COBLL1: variants seen among roughly 807,000 people sequenced by gnomAD.
COBLL1 encodes the protein cordon-bleu protein-like 1.
In COBLL1, 50 loss-of-function variants were observed where a neutral mutation model predicts 94.8. The ratio of observed to expected loss-of-function variants is 0.53; its 90% CI spans 0.42 to 0.67. The LOEUF is 0.67. Among genes scored for constraint, COBLL1 ranks in the 30% least tolerant of loss-of-function variants. The probability of loss-of-function intolerance (pLI) is 0.00; values close to 1 mark genes in which losing one functional copy is unlikely to be tolerated. For missense variants in COBLL1, 1,362 were observed against 1,348.7 expected (o/e 1.01, Z -0.15); for synonymous variants, 448 against 473.8 (o/e 0.95, Z 0.71).
intron 3 of COBLL1, 138 bp downstream of exon 3, chr2:164,743,548 CT>C (rs201476254): frequency 8.0e-4 from 539 of 673,654 alleles, no homozygotes; most frequent in South Asian, 1.3e-3. Flanking sequence ...TTTTAGCAGT[CT>C]TTTTTTTTAA....
intron 2 of COBLL1, among the ~76,000 whole-genome samples, chr2:164,817,894 C>T (rs1684854969): frequency 6.6e-6 from 1 of 152,102 alleles, no homozygotes; most frequent in African/African-American, 2.4e-5. Flanking sequence ...AAATGCTGAT[C>T]ATCCTTTTAA....
intron 4 of COBLL1, among the ~76,000 whole-genome samples, chr2:164,729,388 T>C (rs1685872462): frequency 6.6e-6 from 1 of 151,854 alleles, no homozygotes; most frequent in South Asian, 2.1e-4. Context: ...ATATTAGAAT[T>C]ATTGTGGTTA....
intron 2 of COBLL1, among the ~76,000 whole-genome samples, chr2:164,789,859 G>T (rs1373706342): frequency 6.6e-6 from 1 of 152,144 alleles, no homozygotes; most frequent in Non-Finnish European, 1.5e-5. Context: ...TTATTCTTTT[G>T]CCCTTAAATT....
chr2:164,692,137 A>C, intron 13 of COBLL1, 84 bp downstream of exon 13: 1 of 1,263,050 alleles, frequency 7.9e-7, no homozygotes, highest in Non-Finnish European at 1.1e-6. Flanking sequence ...TTAGATTTAC[A>C]TGCTAGAAAA....
chr2:164,721,046 CT>C (rs1185203137), intron 7 of COBLL1, among the ~76,000 whole-genome samples: 1 of 152,210 alleles, frequency 6.6e-6, no homozygotes, highest in East Asian at 1.9e-4. Context: ...AAATTCATTT[CT>C]ATCTCTTTGA....
chr2:164,660,280 T>G (rs1691049446), intron 2 of COBLL1, among the ~76,000 whole-genome samples: 1 of 151,714 alleles, frequency 6.6e-6, no homozygotes, highest in Admixed American at 6.6e-5. Flanking sequence ...GAGTTTGGAG[T>G]TTTAATGCCG....
In COBLL1 at chr2:164,809,873, A is replaced by G. The variant is rs1684374081; in HGVS notation, c.41+31283T>C. The stretch of plus-strand genomic sequence containing the variant: ...AATAGAACTAGAATTTTATATATAA[A>G]GAACCACACAATTCTGGTAATTATT... On this transcript the variant is annotated intron_variant, in intron 2 of 13. Coordinates refer to ENST00000652658, the MANE Select transcript of COBLL1 (RefSeq NM_001365672.2). Among the ~76,000 whole-genome samples the G allele has an allele frequency of 2.0e-5, 3 of 151,754 alleles. No individual in the cohort carries two copies. The South Asian group carries it at 6.2e-4, about 31-fold the overall frequency.
Position 164,722,317 on chromosome 2 carries a change from A to G in COBLL1, c.760-6T>C, listed in dbSNP as rs11680371. 8,097 of 1,604,036 alleles carry G rather than the reference A, an allele frequency of 5.0e-3. 23 individuals carry two copies. The highest frequency in any genetic ancestry group is 6.7e-3 in the Middle Eastern group (40 of 6,014). ...GTTGCAGGGGCACTTGCAGTCTAGT[A>G]AAGAATGACAAAGACAAAATCTAGT... On this transcript the variant is annotated splice_polypyrimidine_tract_variant and splice_region_variant and intron_variant, in intron 6 of 13. Coordinates refer to ENST00000652658, the MANE Select transcript of COBLL1 (RefSeq NM_001365672.2).
chr2:164,814,237 ATAG>A lies in COBLL1; in HGVS notation c.41+26916_41+26918del, dbSNP rs1018008064. ...CCCCATCTGATAAATCGGGACAAAGATAGTAGTATCTCTCACACACAGACATAA... is the reference window on the plus strand; with the variant it reads ...CCCCATCTGATAAATCGGGACAAAGATAGTATCTCTCACACACAGACATAA... On this transcript the variant is annotated intron_variant, in intron 2 of 13. Transcript: ENST00000652658. 1.2e-4 allele frequency among the ~76,000 whole-genome samples: 18 copies of A among 152,156 alleles called. 1 individual carries two copies. The highest frequency in any genetic ancestry group is 2.6e-4 in the Non-Finnish European group (18 of 68,018).
intron 2 of COBLL1, among the ~76,000 whole-genome samples, chr2:164,790,713 T>C (rs1683145936): frequency 2.0e-5 from 3 of 152,190 alleles, no homozygotes; most frequent in Admixed American, 2.0e-4. Flanking sequence ...ACTTACACAC[T>C]GGTATTTCAC....
rs116305649 is a variant in COBLL1, at chr2:164,695,712, C to T, written c.1680G>A (p.Glu560=). Residue 560 remains glutamate (E), a synonymous_variant, in exon 12 of 14, where the codon GAG becomes GAA. Transcript: ENST00000652658. ...CATGTGCCTCAGAGTTTGATGGTCT[C>T]TCAACTTCCATATCAATGTTGTTAT... The part of the protein sequence containing the change: ...AKNNNIDMEV[E]RPSNSEAHET... The T allele has an allele frequency of 7.8e-3, 12,519 of 1,613,774 alleles. 100 individuals carry two copies. The highest frequency in any genetic ancestry group is 0.024 in the African/African-American group (1,818 of 74,996).
intron 7 of COBLL1, among the ~76,000 whole-genome samples, chr2:164,717,766 G>T (rs1294461205): frequency 6.6e-6 from 1 of 152,026 alleles, no homozygotes; most frequent in Non-Finnish European, 1.5e-5. Flanking sequence ...GTCTTACTTT[G>T]TGGCCCAGGT....
intron 2 of COBLL1, among the ~76,000 whole-genome samples, chr2:164,831,984 T>C (rs3769922): frequency 0.015 from 2,357 of 152,332 alleles, 30 homozygotes; most frequent in South Asian, 0.028. Flanking sequence ...GGTAGGATAG[T>C]AGTCATTTTC....
chr2:164,821,118 A>T (rs1029906692), intron 2 of COBLL1, among the ~76,000 whole-genome samples: 1 of 151,730 alleles, frequency 6.6e-6, no homozygotes, highest in African/African-American at 2.4e-5. Context: ...CAATCTCCTC[A>T]CCTCATGATC....
chr2:164,713,314 C>A (rs7591813), intron 7 of COBLL1, among the ~76,000 whole-genome samples: 22,370 of 152,042 alleles, frequency 0.15, 1,841 homozygotes, highest in African/African-American at 0.23. Context: ...AGATCCCAGA[C>A]AACTATAATA....
At chr2:164,774,699 T>C (rs994571405) in intron 2 of COBLL1, among the ~76,000 whole-genome samples, 1 of 152,168 alleles carries the variant, frequency 6.6e-6, no homozygotes, top group Non-Finnish European at 1.5e-5. Flanking sequence ...CTACGTACTT[T>C]GTACCTACAT....
chr2:164,750,715 T>C (rs1471080371), intron 2 of COBLL1, among the ~76,000 whole-genome samples: 1 of 152,162 alleles, frequency 6.6e-6, no homozygotes, highest in Non-Finnish European at 1.5e-5. Flanking sequence ...TCCAATGCAT[T>C]GATGAACCCA....
chr2:164,792,394 G>A (rs553320882), intron 2 of COBLL1, among the ~76,000 whole-genome samples: 7 of 152,124 alleles, frequency 4.6e-5, no homozygotes, highest in Non-Finnish European at 1.0e-4. Flanking sequence ...CTTCCAAAGT[G>A]CTGGGATTAT....
chr2:164,737,891 G>T (rs1480025358), intron 3 of COBLL1, among the ~76,000 whole-genome samples: 1 of 152,116 alleles, frequency 6.6e-6, no homozygotes, highest in Non-Finnish European at 1.5e-5. Context: ...CTGTAAACTG[G>T]TGCTATGGGA....
Sources: gnomAD v4.1 joint callset for allele counts (sites outside exome capture counted in the v4.1 genomes callset) on GRCh38, gnomAD v4.1.1 for gene constraint, MANE v1.5 for transcripts, NCBI Gene and HGNC (gene_info 2026-07-23, HGNC 2026-07-21) for gene names.